LINC01488: variants seen among roughly 807,000 people sequenced by gnomAD.
LINC01488 encodes the protein CCND1-upstream intergenic DNA repair 1.
At chr11:69,486,986 G>A (rs1053858882) in intron 1 of LINC01488, among the ~76,000 whole-genome samples, 5 of 152,216 alleles carry the variant, frequency 3.3e-5, no homozygotes, top group East Asian at 1.9e-4. Flanking sequence ...CCGAAAAGCC[G>A]TGCTGGGGGG....
At chr11:69,491,141 C>T (rs1039183405) in exon 3 of LINC01488, 1 of 152,312 alleles carries the variant, frequency 6.6e-6, no homozygotes, top group Admixed American at 6.5e-5. Flanking sequence ...AAAACACACC[C>T]TGTGATGGGG....
chr11:69,489,557 T>C (rs1857183107), intron 1 of LINC01488, among the ~76,000 whole-genome samples: 1 of 152,238 alleles, frequency 6.6e-6, no homozygotes, highest in South Asian at 2.1e-4. Flanking sequence ...GCCGGAGGCT[T>C]GGCTTGTTAA....
chr11:69,489,650 C>G (rs906689325), intron 1 of LINC01488, among the ~76,000 whole-genome samples: 3 of 152,264 alleles, frequency 2.0e-5, no homozygotes, highest in African/African-American at 7.2e-5. Context: ...GCTCCAAGGG[C>G]CGAGAGGCGT....
At chr11:69,486,314 A>G (rs1477254012) in intron 1 of LINC01488, among the ~76,000 whole-genome samples, 2 of 152,124 alleles carry the variant, frequency 1.3e-5, no homozygotes, top group African/African-American at 4.8e-5. Flanking sequence ...AGCCCTAGAT[A>G]TTAGCTAGCT....
intron 1 of LINC01488, among the ~76,000 whole-genome samples, chr11:69,482,290 A>ACCGCC (rs1452098483): frequency 6.6e-6 from 1 of 152,150 alleles, no homozygotes; most frequent in Non-Finnish European, 1.5e-5. Flanking sequence ...TATGGGGTAA[A>ACCGCC]CCGCCCCCAT....
At chr11:69,482,786 C>G (rs75445148) in intron 1 of LINC01488, among the ~76,000 whole-genome samples, 1 of 152,174 alleles carries the variant, frequency 6.6e-6, no homozygotes, top group East Asian at 1.9e-4. Context: ...GGAGGCTAGA[C>G]GTCTGAGATC....
At chr11:69,484,064 A>G (rs551926984) in intron 1 of LINC01488, among the ~76,000 whole-genome samples, 1 of 152,344 alleles carries the variant, frequency 6.6e-6, no homozygotes, top group Admixed American at 6.5e-5. Flanking sequence ...TGCGAAGTAA[A>G]GGGGAACTAG....
At chr11:69,483,849 G>A (rs1231689639) in intron 1 of LINC01488, among the ~76,000 whole-genome samples, 1 of 152,186 alleles carries the variant, frequency 6.6e-6, no homozygotes, top group Non-Finnish European at 1.5e-5. Flanking sequence ...AGCAAATGAA[G>A]ACAGCTGCCG....
rs555488945 is a variant in LINC01488 at position 69,487,241 on chromosome 11, G to A, written n.123-3254G>A. On this transcript the variant is annotated intron_variant and non_coding_transcript_variant, in intron 1 of 3. Transcript: ENST00000644563. The stretch of plus-strand genomic sequence containing the variant: ...GAGTAGCGGGAGGGAGGAGGAGAGC[G>A]GAGGATGGGAGGAGAGAGGGGCCTG... Among the ~76,000 whole-genome samples the A allele has an allele frequency of 2.9e-4, 44 of 152,298 alleles. No individual in the cohort carries two copies. In the East Asian group the frequency reaches 5.0e-3, roughly 17 times the overall value.
At chr11:69,490,304 C>A (rs1366142158) in intron 1 of LINC01488, among the ~76,000 whole-genome samples, 1 of 152,184 alleles carries the variant, frequency 6.6e-6, no homozygotes, top group African/African-American at 2.4e-5. Flanking sequence ...ACTGCGGAGG[C>A]GTGGGATCTG....
chr11:69,483,308 G>A (rs1405023212), intron 1 of LINC01488, among the ~76,000 whole-genome samples: 1 of 152,152 alleles, frequency 6.6e-6, no homozygotes, highest in Non-Finnish European at 1.5e-5. Flanking sequence ...GAGCCTACAG[G>A]TGGAGCCTGG....
chr11:69,483,782 ATTTCTGGC>A (rs754582098), intron 1 of LINC01488, among the ~76,000 whole-genome samples: 269 of 152,280 alleles, frequency 1.8e-3, no homozygotes, highest in Non-Finnish European at 3.0e-3. Context: ...GTTGGAGCAT[ATTTCTGGC>A]AAGGAAGCTG....
intron 1 of LINC01488, among the ~76,000 whole-genome samples, chr11:69,488,570 T>C (rs912758942): frequency 2.0e-5 from 3 of 152,216 alleles, no homozygotes; most frequent in African/African-American, 7.2e-5. Context: ...AAGGCCCTGC[T>C]GGGCAGGGGC....
chr11:69,490,232 C>T (rs776119135), intron 1 of LINC01488, among the ~76,000 whole-genome samples: 4 of 152,320 alleles, frequency 2.6e-5, no homozygotes, highest in Middle Eastern at 3.4e-3. Flanking sequence ...AGCCCTGTTC[C>T]GCCGAATGGG....
intron 1 of LINC01488, among the ~76,000 whole-genome samples, chr11:69,486,727 G>T (rs1205415128): frequency 1.3e-5 from 2 of 152,216 alleles, no homozygotes; most frequent in Admixed American, 6.5e-5. Flanking sequence ...GGAAGGCCCA[G>T]CCCATCTGAG....
chr11:69,489,858 T>A (rs1178824933), intron 1 of LINC01488, among the ~76,000 whole-genome samples: 1 of 152,128 alleles, frequency 6.6e-6, no homozygotes, highest in Non-Finnish European at 1.5e-5. Flanking sequence ...TGTAGCCCCA[T>A]CCCGACACTC....
At chr11:69,483,888 C>T (rs776615648) in intron 1 of LINC01488, among the ~76,000 whole-genome samples, 2 of 152,116 alleles carry the variant, frequency 1.3e-5, no homozygotes, top group African/African-American at 4.8e-5. Flanking sequence ...GGGCTGGGGC[C>T]GGAAACCAGG....
intron 1 of LINC01488, among the ~76,000 whole-genome samples, chr11:69,485,339 G>A (rs1857098633): frequency 6.6e-6 from 1 of 152,114 alleles, no homozygotes; most frequent in Non-Finnish European, 1.5e-5. Flanking sequence ...AAATGTGCTG[G>A]GGGCTCAGGA....
intron 1 of LINC01488, among the ~76,000 whole-genome samples, chr11:69,489,714 CA>C (rs1282684898): frequency 1.3e-5 from 2 of 152,176 alleles, no homozygotes; most frequent in African/African-American, 4.8e-5. Context: ...TTTGCAAAAT[CA>C]AAAAGGCACA....
Sources: gnomAD v4.1 joint callset for allele counts (sites outside exome capture counted in the v4.1 genomes callset) on GRCh38, gnomAD v4.1.1 for gene constraint, MANE v1.5 for transcripts, NCBI Gene and HGNC (gene_info 2026-07-23, HGNC 2026-07-21) for gene names.